ZMYM4: variants seen among roughly 807,000 people sequenced by gnomAD.
ZMYM4 encodes the protein zinc finger MYM-type protein 4.
ZMYM4 carries 31 observed loss-of-function variants against 183.2 expected under a neutral mutation model. The observed-to-expected ratio is 0.17, with a 90% CI of 0.13 to 0.23. The LOEUF is 0.23. ZMYM4 is among the 10% of genes least tolerant of loss of function. ZMYM4 has a pLI of 1.00. For missense variants in ZMYM4, 1,273 were observed against 1,840.3 expected (o/e 0.69, Z 5.64); for synonymous variants, 592 against 631.2 (o/e 0.94, Z 0.93).
rs144854174 is a variant in ZMYM4 at position 35,342,901 on chromosome 1, C to T, written c.86-16024C>T. On this transcript the variant is annotated intron_variant, in intron 2 of 29. Coordinates refer to ENST00000314607, the MANE Select transcript of ZMYM4 (RefSeq NM_005095.3). ...TTCACCATGTTGCCCAGGCTGGTAG[C>T]GAACTCCAGGCCTCAAGCGACCTGC... 3.0e-3 allele frequency among the ~76,000 whole-genome samples: 452 copies of T among 152,112 alleles called. 2 individuals carry two copies. Among genetic ancestry groups the T allele is most frequent in the African/African-American group, 0.01 (422 of 41,488 alleles).
intron 7 of ZMYM4, among the ~76,000 whole-genome samples, chr1:35,378,274 A>G (rs1009204348): frequency 7.2e-5 from 11 of 152,144 alleles, no homozygotes; most frequent in African/African-American, 2.7e-4. Flanking sequence ...ATTAATGATG[A>G]TATTTGGATT....
Position 35,358,910 on chromosome 1 carries a change from A to G in ZMYM4, c.86-15A>G. The G allele has an allele frequency of 6.2e-7, 1 of 1,603,142 alleles. No homozygotes were observed. Among genetic ancestry groups the G allele is most frequent in the African/African-American group, 1.3e-5 (1 of 74,756 alleles). ...TAGCACTATCATTTGTCTAAACAGT[A>G]TTTTACTTTTTAAGGTGGTGGTATC... is the stretch of plus-strand genomic sequence containing the variant. On this transcript the variant is annotated splice_polypyrimidine_tract_variant and intron_variant, in intron 2 of 29. Coordinates refer to ENST00000314607, the MANE Select transcript of ZMYM4 (RefSeq NM_005095.3).
intron 2 of ZMYM4, among the ~76,000 whole-genome samples, chr1:35,340,227 GTATT>G (rs1345248880): frequency 2.0e-5 from 3 of 151,986 alleles, no homozygotes; most frequent in East Asian, 3.9e-4. Context: ...GTATGTCTTT[GTATT>G]TATTTAAATC....
intron 7 of ZMYM4, among the ~76,000 whole-genome samples, chr1:35,371,373 C>G (rs1378655453): frequency 6.6e-6 from 1 of 152,104 alleles, no homozygotes; most frequent in African/African-American, 2.4e-5. Flanking sequence ...GCCTCAGCCT[C>G]CCAAAGTGCT....
chr1:35,287,996 A>G (rs1366712875), intron 1 of ZMYM4, among the ~76,000 whole-genome samples: 1 of 152,130 alleles, frequency 6.6e-6, no homozygotes. Flanking sequence ...CCAGTCTGTT[A>G]TTCTTCACAT....
intron 2 of ZMYM4, among the ~76,000 whole-genome samples, chr1:35,334,880 G>C (rs1173457738): frequency 6.6e-6 from 1 of 151,876 alleles, no homozygotes; most frequent in Non-Finnish European, 1.5e-5. Flanking sequence ...TATGACATCT[G>C]GGTTTTCAGT....
intron 7 of ZMYM4, 100 bp from the exon 8 acceptor site, chr1:35,381,159 A>T: frequency 1.0e-6 from 1 of 968,912 alleles, no homozygotes; most frequent in Non-Finnish European, 1.5e-6. Context: ...TTATTTCCCT[A>T]CAGTATAATT....
At chr1:35,404,902 T>TA in intron 23 of ZMYM4, 121 bp from the exon 24 acceptor site, 1 of 962,228 alleles carries the variant, frequency 1.0e-6, no homozygotes. Flanking sequence ...CTCTGAATCT[T>TA]TAGGATATAA....
chr1:35,341,322 T>C (rs1042164521), intron 2 of ZMYM4, among the ~76,000 whole-genome samples: 43 of 152,086 alleles, frequency 2.8e-4, no homozygotes, highest in Non-Finnish European at 2.8e-4. Flanking sequence ...CATGTACATA[T>C]ATTACTTTTG....
chr1:35,366,211 A>G (rs1330700652), intron 5 of ZMYM4: 4 of 152,228 alleles, frequency 2.6e-5, no homozygotes, highest in Non-Finnish European at 5.9e-5. Flanking sequence ...GGTATCTGTA[A>G]TAGTCACTTT....
intron 19 of ZMYM4, 140 bp downstream of exon 19, chr1:35,396,810 C>T: frequency 1.0e-6 from 1 of 999,718 alleles, no homozygotes. Context: ...CCCATTATTA[C>T]TTAACATGGA....
chr1:35,328,712 A>G (rs1642611869), intron 2 of ZMYM4, among the ~76,000 whole-genome samples: 1 of 152,124 alleles, frequency 6.6e-6, no homozygotes, highest in Non-Finnish European at 1.5e-5. Flanking sequence ...GAGGCAGAGA[A>G]GTGACTAGCT....
At chr1:35,291,740 C>T (rs946342897) in intron 1 of ZMYM4, among the ~76,000 whole-genome samples, 6 of 150,674 alleles carry the variant, frequency 4.0e-5, no homozygotes, top group East Asian at 3.9e-4. Context: ...TGAGTTCAAG[C>T]GATTCTCCTG....
At chr1:35,357,082 C>G (rs545519942) in intron 2 of ZMYM4, among the ~76,000 whole-genome samples, 19 of 152,138 alleles carry the variant, frequency 1.2e-4, no homozygotes, top group African/African-American at 4.3e-4. Flanking sequence ...TAGAGATGGG[C>G]TTTTGCTATG....
intron 1 of ZMYM4, among the ~76,000 whole-genome samples, chr1:35,315,909 G>C (rs2148796593): frequency 6.6e-6 from 1 of 152,208 alleles, no homozygotes; most frequent in African/African-American, 2.4e-5. Context: ...CTGGGTGACA[G>C]AGTGAGTCCC....
rs1374555467 is a variant in ZMYM4, at chr1:35,286,819, A to T, written c.39+17734A>T. Reference sequence around the variant, plus strand: ...TTTTTTTTTTTTTTTTTGTAGAGACAGGGTCTCCATATGTTGTCCAGGCTG... The same window carrying T: ...TTTTTTTTTTTTTTTTTGTAGAGACTGGGTCTCCATATGTTGTCCAGGCTG... On this transcript the variant is annotated intron_variant, in intron 1 of 29. Coordinates refer to ENST00000314607, the MANE Select transcript of ZMYM4 (RefSeq NM_005095.3). 7.2e-5 allele frequency among the ~76,000 whole-genome samples: 6 copies of T among 83,512 alleles called. 1 individual carries two copies. The highest frequency in any genetic ancestry group is 1.3e-4 in the Non-Finnish European group (6 of 46,120). 54.8% of individuals were successfully genotyped at this position (83,512 alleles called of 152,430 possible).
At position 35,385,456 on chromosome 1, in the gene ZMYM4, T is replaced by A. The variant is rs61750999; in HGVS notation, c.1584T>A (p.Ile528=). ...TCTCTTAATAGAAATCAGCCAAAAT[T>A]ACACCGTGTGCGCTTTGCAAATCAT... ...ITAYKQKSAK[I]TPCALCKSLR... Residue 528 remains isoleucine (I), a synonymous_variant, in exon 10 of 30, where the codon ATT becomes ATA. Coordinates refer to ENST00000314607, the MANE Select transcript of ZMYM4 (RefSeq NM_005095.3). 5,478 of 1,605,856 alleles carry A rather than the reference T, an allele frequency of 3.4e-3. 153 individuals are homozygous for A. In the African/African-American group the frequency reaches 0.06, roughly 18 times the overall value.
chr1:35,270,197 T>G (rs1352024536), intron 1 of ZMYM4, among the ~76,000 whole-genome samples: 1 of 152,204 alleles, frequency 6.6e-6, no homozygotes, highest in Non-Finnish European at 1.5e-5. Context: ...AGGGCTTAAG[T>G]AATTTACTTA....
chr1:35,331,493 A>AT (rs1168841781), intron 2 of ZMYM4, among the ~76,000 whole-genome samples: 1 of 152,142 alleles, frequency 6.6e-6, no homozygotes, highest in Admixed American at 6.6e-5. Context: ...TATCAATAAA[A>AT]TTGTGGTGTC....
Sources: gnomAD v4.1 joint callset for allele counts (sites outside exome capture counted in the v4.1 genomes callset) on GRCh38, gnomAD v4.1.1 for gene constraint, MANE v1.5 for transcripts, NCBI Gene and HGNC (gene_info 2026-07-23, HGNC 2026-07-21) for gene names.